SLC71A2: variants seen among roughly 807,000 people sequenced by gnomAD.
SLC71A2 encodes the protein solute carrier family 71 member 2.
the SLC71A2 span, among the ~76,000 whole-genome samples, chr9:94,399,405 T>A: frequency 6.6e-6 from 1 of 152,216 alleles, no homozygotes; most frequent in East Asian, 1.9e-4. Context: ...CTCTTTCAGC[T>A]GATAGAGTGT....
chr9:94,376,503 A>T, the SLC71A2 span, among the ~76,000 whole-genome samples: 141 of 151,668 alleles, frequency 9.3e-4, no homozygotes, highest in Non-Finnish European at 2.2e-4. Flanking sequence ...AATTTTTTTC[A>T]TTGGCTCCTT....
At chr9:94,454,398 C>T in the SLC71A2 span, among the ~76,000 whole-genome samples, 1 of 152,032 alleles carries the variant, frequency 6.6e-6, no homozygotes, top group Admixed American at 6.6e-5. Context: ...GACGGAGTCT[C>T]ACTCTGTTGC....
the SLC71A2 span, among the ~76,000 whole-genome samples, chr9:94,392,638 C>T: frequency 6.6e-6 from 1 of 151,974 alleles, no homozygotes; most frequent in Admixed American, 6.6e-5. Context: ...GTAGCTGGGA[C>T]TACAGGCTTG....
chr9:94,385,025 CCT>C, the SLC71A2 span, among the ~76,000 whole-genome samples: 4 of 151,664 alleles, frequency 2.6e-5, no homozygotes, highest in Non-Finnish European at 4.4e-5. Context: ...GATGCTGTTC[CCT>C]CTCTCTTGAA....
the SLC71A2 span, chr9:94,440,966 T>A: frequency 6.6e-7 from 1 of 1,519,558 alleles, no homozygotes; most frequent in African/African-American, 1.4e-5. Context: ...CTTGGGTCAT[T>A]AAAATAATCT....
chr9:94,428,121 C>CA, the SLC71A2 span, among the ~76,000 whole-genome samples: 322 of 125,362 alleles, frequency 2.6e-3, no homozygotes, highest in East Asian at 5.4e-3. Flanking sequence ...ACTCCATCTC[C>CA]AAAAAAAAAA....
the SLC71A2 span, among the ~76,000 whole-genome samples, chr9:94,391,839 A>G: frequency 1.3e-5 from 2 of 151,908 alleles, no homozygotes; most frequent in African/African-American, 4.8e-5. Flanking sequence ...AGATTGCGCC[A>G]CTGCACTCCA....
the SLC71A2 span, chr9:94,445,290 CT>C: frequency 1.1e-6 from 1 of 903,852 alleles, no homozygotes; most frequent in Non-Finnish European, 1.6e-6. Flanking sequence ...TGACTTATTT[CT>C]TTAGTAAAAA....
the SLC71A2 span, among the ~76,000 whole-genome samples, chr9:94,435,439 C>CT: frequency 6.6e-6 from 1 of 152,110 alleles, no homozygotes; most frequent in African/African-American, 2.4e-5. Context: ...GCAGTTATGC[C>CT]TTTTTTCCCC....
chr9:94,434,795 C>T, the SLC71A2 span, among the ~76,000 whole-genome samples: 1 of 152,034 alleles, frequency 6.6e-6, no homozygotes. Context: ...CTCATTATTC[C>T]CTTTCATAGG....
the SLC71A2 span, among the ~76,000 whole-genome samples, chr9:94,449,811 A>C: frequency 6.6e-6 from 1 of 152,244 alleles, no homozygotes; most frequent in Non-Finnish European, 1.5e-5. Flanking sequence ...AGTAGAATCA[A>C]CTCAAATGTC....
chr9:94,451,572 T>C, the SLC71A2 span: 2 of 1,021,768 alleles, frequency 2.0e-6, no homozygotes, highest in South Asian at 3.3e-5. Context: ...AAAAATATCC[T>C]GATAACCATA....
the SLC71A2 span, among the ~76,000 whole-genome samples, chr9:94,415,877 G>T: frequency 3.2e-3 from 495 of 152,310 alleles, 2 homozygotes; most frequent in Non-Finnish European, 6.1e-3. Context: ...AAATTGCAGA[G>T]CATTGTTGAA....
chr9:94,430,334 T>C, the SLC71A2 span, among the ~76,000 whole-genome samples: 1 of 152,008 alleles, frequency 6.6e-6, no homozygotes, highest in Non-Finnish European at 1.5e-5. Context: ...GTGATTCTCC[T>C]GCCTTAGTCT....
chr9:94,414,965 T>C, the SLC71A2 span, among the ~76,000 whole-genome samples: 2 of 152,192 alleles, frequency 1.3e-5, no homozygotes, highest in Non-Finnish European at 2.9e-5. Flanking sequence ...ACCGAAAGTC[T>C]GTAATCTTAG....
the SLC71A2 span, among the ~76,000 whole-genome samples, chr9:94,406,768 T>C: frequency 1.3e-5 from 2 of 152,214 alleles, no homozygotes; most frequent in South Asian, 2.1e-4. Context: ...CTTGTAACTT[T>C]GTTAAATTCA....
chr9:94,408,591 G>A, the SLC71A2 span, among the ~76,000 whole-genome samples: 1 of 151,600 alleles, frequency 6.6e-6, no homozygotes, highest in Non-Finnish European at 1.5e-5. Flanking sequence ...AGTAGGTTAT[G>A]TGTTTCTAGG....
chr9:94,445,885 T>C, the SLC71A2 span, among the ~76,000 whole-genome samples: 2 of 152,228 alleles, frequency 1.3e-5, no homozygotes, highest in East Asian at 3.8e-4. Flanking sequence ...TTTTCTAAAA[T>C]ACCCCCTGAG....
At chr9:94,389,423 C>T in the SLC71A2 span, among the ~76,000 whole-genome samples, 1 of 151,374 alleles carries the variant, frequency 6.6e-6, no homozygotes, top group East Asian at 1.9e-4. Context: ...ACACCATCAC[C>T]CCTAGCTAAT....
Sources: allele counts gnomAD v4.1 joint callset (sites outside exome capture counted in the v4.1 genomes callset), GRCh38; gene constraint gnomAD v4.1.1; transcripts MANE v1.5; gene names NCBI Gene and HGNC (gene_info 2026-07-23, HGNC 2026-07-21).